The following NUDCD3 variants were observed in gnomAD, a reference collection of about 807,000 sequenced individuals.
NUDCD3 encodes NudC domain containing 3.
In NUDCD3, 13 loss-of-function variants were observed where a neutral mutation model predicts 39.7. The observed-to-expected ratio is 0.33, with a 90% CI of 0.21 to 0.52. The LOEUF (loss-of-function observed/expected upper bound fraction) is 0.52. Ranked by LOEUF, NUDCD3 falls within the 20% of genes least tolerant of loss-of-function variation. The probability of loss-of-function intolerance (pLI) is 0.96; values close to 1 mark genes in which losing one functional copy is unlikely to be tolerated. For missense variants in NUDCD3, 453 were observed against 458.1 expected (o/e 0.99, Z 0.10); for synonymous variants, 175 against 172.4 (o/e 1.02, Z -0.12).
chr7:44,404,557 G>A lies in NUDCD3; in HGVS notation c.669C>T (p.Ser223=). Residue 223 remains serine (S), a synonymous_variant, in exon 4 of 6, where the codon TCC becomes TCT. Coordinates refer to ENST00000355451, the MANE Select transcript of NUDCD3 (RefSeq NM_015332.4). ...KQVSVALSSS[S]IRVAMLEENG... Reference sequence around the variant, plus strand: ...TTTCCTCCAGCATGGCCACACGAATGGAGCTGCTGCTAAGGGCCACTGAGA... The same window carrying A: ...TTTCCTCCAGCATGGCCACACGAATAGAGCTGCTGCTAAGGGCCACTGAGA... The A allele has an allele frequency of 6.2e-7, 1 of 1,613,976 alleles. No individual in the cohort carries two copies. The highest frequency in any genetic ancestry group is 1.1e-5 in the South Asian group (1 of 91,066).
chr7:44,442,503 ACT>A (rs1799604978), intron 2 of NUDCD3, among the ~76,000 whole-genome samples: 1 of 152,086 alleles, frequency 6.6e-6, no homozygotes, highest in African/African-American at 2.4e-5. Flanking sequence ...GGCCAAGGAC[ACT>A]CAGGCTGAAT....
intron 2 of NUDCD3, among the ~76,000 whole-genome samples, chr7:44,430,554 C>CCCCACA (rs1799339303): frequency 7.1e-6 from 1 of 140,772 alleles, no homozygotes; most frequent in Non-Finnish European, 1.5e-5. Flanking sequence ...AATAAAATAC[C>CCCCACA]CACACACACA....
At chr7:44,438,874 T>C (rs1460671347) in intron 2 of NUDCD3, among the ~76,000 whole-genome samples, 1 of 152,312 alleles carries the variant, frequency 6.6e-6, no homozygotes, top group Non-Finnish European at 1.5e-5. Context: ...TGTTAACATG[T>C]ATTTCTCACT....
intron 3 of NUDCD3, among the ~76,000 whole-genome samples, chr7:44,407,247 T>G (rs1798840611): frequency 1.4e-5 from 2 of 143,034 alleles, no homozygotes; most frequent in African/African-American, 5.3e-5. Flanking sequence ...CTCAAGAGAA[T>G]GGGAGAAAAA....
rs545660078 is a variant in NUDCD3 at position 44,471,020 on chromosome 7, G to A, written c.509+13948C>T. Among the ~76,000 whole-genome samples the A allele has an allele frequency of 5.9e-5, 9 of 152,334 alleles. No individual in the cohort carries two copies. In the South Asian group the frequency reaches 8.3e-4, roughly 14 times the overall value. On this transcript the variant is annotated intron_variant, in intron 2 of 5. Coordinates refer to ENST00000355451, the MANE Select transcript of NUDCD3 (RefSeq NM_015332.4). ...AACTTCAATCATTATTTGTTCAGCT[G>A]TTTACTGAGTACCAACTACGTGCCA...
chr7:44,490,434 C>G lies in NUDCD3; in HGVS notation c.167G>C (p.Gly56Ala), dbSNP rs757812999. Residue 56 changes from glycine (G) to alanine (A), a missense_variant, in exon 1 of 6, where the codon GGG (glycine) becomes GCG (alanine). Physicochemically the swap from Gly to Ala is moderately conservative, Grantham distance 60 (BLOSUM62 0). Coordinates refer to ENST00000355451, the MANE Select transcript of NUDCD3 (RefSeq NM_015332.4). Reference protein sequence around the residue: ...HPSDRMGFPPGAAQALVLQVF... With the variant: ...HPSDRMGFPPAAAQALVLQVF... ...CTGCAGCACCAAGGCCTGCGCGGCC[C>G]CGGGCGGGAAGCCCATGCGGTCCGA... 5.7e-6 allele frequency: 9 copies of G among 1,585,918 alleles called. No individual in the cohort carries two copies. Among genetic ancestry groups the G allele is most frequent in the African/African-American group, 1.3e-5 (1 of 74,482 alleles).
intron 2 of NUDCD3, among the ~76,000 whole-genome samples, chr7:44,432,790 CTCCT>C (rs1274408676): frequency 6.6e-6 from 1 of 152,230 alleles, no homozygotes; most frequent in East Asian, 1.9e-4. Flanking sequence ...TCACCCTCAT[CTCCT>C]TCCATTATCC....
chr7:44,449,154 A>G (rs569693418), intron 2 of NUDCD3, among the ~76,000 whole-genome samples: 1 of 152,338 alleles, frequency 6.6e-6, no homozygotes, highest in East Asian at 1.9e-4. Context: ...AGGGCTGATT[A>G]TAGATATAAT....
At chr7:44,415,097 G>A (rs1047570895) in intron 3 of NUDCD3, among the ~76,000 whole-genome samples, 2 of 152,192 alleles carry the variant, frequency 1.3e-5, no homozygotes, top group African/African-American at 4.8e-5. Flanking sequence ...AAACAGGGTG[G>A]AGGTGACGGG....
chr7:44,414,034 CAAAAAAA>C (rs933624365), intron 3 of NUDCD3, among the ~76,000 whole-genome samples: 1 of 123,266 alleles, frequency 8.1e-6, no homozygotes, highest in East Asian at 2.3e-4. Context: ...AACCCTGTCT[CAAAAAAA>C]AAAAAGAAAA....
chr7:44,429,306 C>T (rs1799304856), intron 2 of NUDCD3, among the ~76,000 whole-genome samples: 1 of 152,152 alleles, frequency 6.6e-6, no homozygotes, highest in African/African-American at 2.4e-5. Context: ...GCAGTTACAA[C>T]AAGGTCATTA....
At chr7:44,425,491 G>A (rs1354377319) in intron 3 of NUDCD3, among the ~76,000 whole-genome samples, 2 of 151,994 alleles carry the variant, frequency 1.3e-5, no homozygotes, top group Non-Finnish European at 2.9e-5. Context: ...TTTTAAAGTG[G>A]AAATTATCTA....
intron 2 of NUDCD3, among the ~76,000 whole-genome samples, chr7:44,466,510 A>T (rs544153276): frequency 6.6e-6 from 1 of 152,234 alleles, no homozygotes; most frequent in East Asian, 1.9e-4. Flanking sequence ...TCACCACACC[A>T]ATCTGTGAAG....
chr7:44,420,631 A>G (rs1799119291), intron 3 of NUDCD3, among the ~76,000 whole-genome samples: 1 of 152,256 alleles, frequency 6.6e-6, no homozygotes, highest in Admixed American at 6.5e-5. Flanking sequence ...AGGGAAGCCC[A>G]CAGACTAACA....
chr7:44,478,749 A>C (rs944846931), intron 2 of NUDCD3, among the ~76,000 whole-genome samples: 1 of 152,216 alleles, frequency 6.6e-6, no homozygotes, highest in Non-Finnish European at 1.5e-5. Flanking sequence ...AAATCACCCC[A>C]AAAATACTAT....
chr7:44,413,852 A>C (rs1390018836), intron 3 of NUDCD3, among the ~76,000 whole-genome samples: 1 of 152,212 alleles, frequency 6.6e-6, no homozygotes, highest in Admixed American at 6.5e-5. Context: ...CAGGAGTACA[A>C]GACCAGCTTC....
rs72065068 is a variant in NUDCD3, at chr7:44,440,496, G to GAAAAAAAAAAAAAAAAA, written c.510-12810_510-12794dup. Reference sequence around the variant, plus strand: ...AACTAGTGAGAAAACCAGAAAAATTGAAAAAAAAAAAAAAAAAAAAGCCTG... The same window carrying GAAAAAAAAAAAAAAAAA: ...AACTAGTGAGAAAACCAGAAAAATTGAAAAAAAAAAAAAAAAAAAAAAAAAAAAAAAAAAAAAGCCTG... On this transcript the variant is annotated intron_variant, in intron 2 of 5. Coordinates refer to ENST00000355451, the MANE Select transcript of NUDCD3 (RefSeq NM_015332.4). Among the ~76,000 whole-genome samples the GAAAAAAAAAAAAAAAAA allele has an allele frequency of 2.9e-4, 14 of 48,368 alleles. 2 individuals carry two copies. Among genetic ancestry groups the GAAAAAAAAAAAAAAAAA allele is most frequent in the Non-Finnish European group, 4.9e-4 (12 of 24,706 alleles). The allele number at this position is 48,368 out of a possible 152,430, so 31.7% of individuals were successfully genotyped here. A position where few individuals can be genotyped will look rare whatever the true frequency, so the allele number is the denominator to read the frequency against.
intron 2 of NUDCD3, among the ~76,000 whole-genome samples, chr7:44,470,537 T>TA (rs1391906069): frequency 3.3e-5 from 5 of 152,176 alleles, no homozygotes; most frequent in African/African-American, 1.2e-4. Flanking sequence ...TTAAAGGAGA[T>TA]ACAAAAACTC....
At chr7:44,449,053 T>G (rs1043085442) in intron 2 of NUDCD3, among the ~76,000 whole-genome samples, 2 of 152,260 alleles carry the variant, frequency 1.3e-5, no homozygotes, top group East Asian at 3.9e-4. Context: ...GTAGAGAGCA[T>G]GGAACAGAGG....
Sources: allele counts gnomAD v4.1 joint callset (sites outside exome capture counted in the v4.1 genomes callset), GRCh38; gene constraint gnomAD v4.1.1; transcripts MANE v1.5; gene names NCBI Gene and HGNC (gene_info 2026-07-23, HGNC 2026-07-21).